The following LRFN5 variants were observed in gnomAD, a reference collection of about 807,000 sequenced individuals.
The protein encoded by LRFN5 is leucine rich repeat and fibronectin type III domain containing 5.
LRFN5 carries 24 observed loss-of-function variants against 45.6 expected under a neutral mutation model. That is an observed-to-expected ratio of 0.53 (90% CI 0.38 to 0.74). The LOEUF (loss-of-function observed/expected upper bound fraction) is 0.74, where lower values mean the gene tolerates loss of function less well. LRFN5 is among the 30% of genes least tolerant of loss of function. The pLI is 0.00. For missense variants in LRFN5, 776 were observed against 861.5 expected (o/e 0.90, Z 1.24); for synonymous variants, 340 against 313.8 (o/e 1.08, Z -0.88).
Position 41,891,524 on chromosome 14 carries a change from G to A in LRFN5, c.1660G>A (p.Val554Ile), listed in dbSNP as rs774009852. ...FIIILMIRYK[V>I]CNNNGQHKVT... ...CATTATTCTGATGATCCGGTATAAG[G>A]TTTGCAACAATAATGGGCAACACAA... Residue 554 changes from valine (V) to isoleucine (I), a missense_variant, in exon 4 of 6, where the codon GTT becomes ATT. Physicochemically the swap from Val to Ile is conservative, Grantham distance 29. This residue lies in a region of LRFN5 where 465 missense variants were observed against 456.4 expected (regional missense o/e 1.02). Coordinates refer to ENST00000298119, the MANE Select transcript of LRFN5 (RefSeq NM_152447.5). The A allele has an allele frequency of 6.2e-6, 10 of 1,614,082 alleles. No homozygotes were observed. The South Asian group carries it at 1.1e-4, about 18-fold the overall frequency.
intron 1 of LRFN5, among the ~76,000 whole-genome samples, chr14:41,737,901 A>G (rs897421902): frequency 4.6e-5 from 7 of 152,288 alleles, no homozygotes; most frequent in African/African-American, 1.7e-4. Flanking sequence ...AAGAATCAAT[A>G]TCATGTAAAT....
chr14:41,690,315 A>G (rs1882321022), intron 1 of LRFN5, among the ~76,000 whole-genome samples: 1 of 152,216 alleles, frequency 6.6e-6, no homozygotes, highest in East Asian at 1.9e-4. Context: ...GCACTTTGGG[A>G]CGCCAAGATG....
At chr14:41,760,385 G>T (rs1202710869) in intron 1 of LRFN5, among the ~76,000 whole-genome samples, 1 of 152,070 alleles carries the variant, frequency 6.6e-6, no homozygotes, top group African/African-American at 2.4e-5. Context: ...ACTGTGCCTT[G>T]CTTCTATTAT....
At chr14:41,895,404 A>T (rs2139169800) in intron 4 of LRFN5, among the ~76,000 whole-genome samples, 1 of 152,276 alleles carries the variant, frequency 6.6e-6, no homozygotes, top group Middle Eastern at 3.4e-3. Flanking sequence ...TGGGCAGATC[A>T]CTTGAGGTCA....
chr14:41,655,993 G>A (rs1339332349), intron 1 of LRFN5, among the ~76,000 whole-genome samples: 1 of 151,898 alleles, frequency 6.6e-6, no homozygotes, highest in African/African-American at 2.4e-5. Context: ...TTTATGTATT[G>A]TTTTAATGCT....
chr14:41,756,156 C>T (rs1885369665), intron 1 of LRFN5, among the ~76,000 whole-genome samples: 1 of 152,138 alleles, frequency 6.6e-6, no homozygotes, highest in African/African-American at 2.4e-5. Context: ...GATTGGCTTC[C>T]CTTTGTGGGT....
chr14:41,812,030 T>C (rs1887754413), intron 2 of LRFN5, among the ~76,000 whole-genome samples: 1 of 152,078 alleles, frequency 6.6e-6, no homozygotes, highest in African/African-American at 2.4e-5. Context: ...TTTTAAAAAG[T>C]CAGCACAAAG....
chr14:41,855,853 C>T (rs1330792366), intron 2 of LRFN5, among the ~76,000 whole-genome samples: 1 of 152,070 alleles, frequency 6.6e-6, no homozygotes, highest in Admixed American at 6.5e-5. Context: ...TTTTGTGAAA[C>T]TATGTATCAC....
intron 1 of LRFN5, among the ~76,000 whole-genome samples, chr14:41,692,875 G>C (rs1882442502): frequency 6.6e-6 from 1 of 151,626 alleles, no homozygotes; most frequent in Non-Finnish European, 1.5e-5. Context: ...TAGCTTTCAT[G>C]TTTAGTTCTA....
intron 2 of LRFN5, among the ~76,000 whole-genome samples, chr14:41,827,152 G>T (rs144929307): frequency 2.0e-5 from 3 of 152,090 alleles, no homozygotes; most frequent in African/African-American, 7.2e-5. Flanking sequence ...AATATCAAGT[G>T]AATTAGTGTT....
intron 1 of LRFN5, among the ~76,000 whole-genome samples, chr14:41,617,589 A>G (rs1252634824): frequency 6.6e-6 from 1 of 152,080 alleles, no homozygotes; most frequent in Non-Finnish European, 1.5e-5. Flanking sequence ...ATGAACTGCC[A>G]TGTCTTATAT....
intron 1 of LRFN5, among the ~76,000 whole-genome samples, chr14:41,668,947 G>T (rs1311062516): frequency 6.6e-6 from 1 of 151,868 alleles, no homozygotes; most frequent in African/African-American, 2.4e-5. Flanking sequence ...ATACACCTTG[G>T]TAATTGCTTA....
At chr14:41,649,388 A>T (rs1043710993) in intron 1 of LRFN5, among the ~76,000 whole-genome samples, 1 of 152,180 alleles carries the variant, frequency 6.6e-6, no homozygotes, top group Non-Finnish European at 1.5e-5. Context: ...GAGTAAATAT[A>T]TTACCACTGT....
intron 2 of LRFN5, among the ~76,000 whole-genome samples, chr14:41,882,080 C>T (rs1235176755): frequency 6.6e-6 from 1 of 152,028 alleles, no homozygotes; most frequent in Admixed American, 6.6e-5. Flanking sequence ...GAGATCTGTG[C>T]CCTGTGGTGG....
chr14:41,741,272 A>T (rs2138820623), intron 1 of LRFN5, among the ~76,000 whole-genome samples: 1 of 151,894 alleles, frequency 6.6e-6, no homozygotes, highest in South Asian at 2.1e-4. Context: ...AGAATGAAGT[A>T]GGAGGTATCA....
At chr14:41,759,415 A>G (rs1885551615) in intron 1 of LRFN5, among the ~76,000 whole-genome samples, 1 of 151,612 alleles carries the variant, frequency 6.6e-6, no homozygotes, top group Non-Finnish European at 1.5e-5. Flanking sequence ...CAGTATTTTT[A>G]CAGTGACCAT....
chr14:41,685,772 T>C lies in LRFN5; in HGVS notation c.-197+77210T>C, dbSNP rs546364353. Among the ~76,000 whole-genome samples the C allele has an allele frequency of 2.3e-4, 35 of 152,240 alleles. 2 individuals are homozygous for C. In the South Asian group the frequency reaches 6.6e-3, roughly 29 times the overall value. On this transcript the variant is annotated intron_variant, in intron 1 of 5. Transcript: ENST00000298119. ...TCAGATTTGTCAAAGATCAGATGGTTGTAGATGTGTGGTGTTATTTCTGAG... is the reference window on the plus strand; with the variant it reads ...TCAGATTTGTCAAAGATCAGATGGTCGTAGATGTGTGGTGTTATTTCTGAG...
intron 2 of LRFN5, among the ~76,000 whole-genome samples, chr14:41,854,847 A>G (rs747746485): frequency 3.3e-5 from 5 of 152,196 alleles, no homozygotes; most frequent in Non-Finnish European, 5.9e-5. Flanking sequence ...TTTAAACTCA[A>G]TACACTTACA....
intron 2 of LRFN5, among the ~76,000 whole-genome samples, chr14:41,801,825 G>A (rs1012419258): frequency 6.6e-6 from 1 of 152,160 alleles, no homozygotes; most frequent in Non-Finnish European, 1.5e-5. Context: ...ATGTTTCACC[G>A]GGTGGGAGGG....
Sources: allele counts gnomAD v4.1 joint callset (sites outside exome capture counted in the v4.1 genomes callset), GRCh38; gene constraint gnomAD v4.1.1; regional missense constraint gnomAD v4.1.1; transcripts MANE v1.5; gene names NCBI Gene and HGNC (gene_info 2026-07-23, HGNC 2026-07-21).